The following HSPH1 variants were observed in gnomAD, a reference collection of about 807,000 sequenced individuals.
HSPH1 encodes the protein heat shock protein family H (Hsp110) member 1.
In HSPH1, 40 loss-of-function variants were observed where a neutral mutation model predicts 100.0. The observed-to-expected ratio is 0.40, with a 90% CI of 0.31 to 0.52. The LOEUF (loss-of-function observed/expected upper bound fraction) is 0.52, where lower values mean the gene tolerates loss of function less well. Ranked by LOEUF, HSPH1 falls within the 20% of genes least tolerant of loss-of-function variation. The probability of loss-of-function intolerance (pLI) is 0.54; values close to 1 mark genes in which losing one functional copy is unlikely to be tolerated. For missense variants in HSPH1, 876 were observed against 1,015.1 expected (o/e 0.86, Z 1.86); for synonymous variants, 403 against 344.0 (o/e 1.17, Z -1.90).
chr13:31,141,791 T>C (rs1956100202), intron 12 of HSPH1, among the ~76,000 whole-genome samples: 1 of 71,578 alleles, frequency 1.4e-5, no homozygotes, highest in Admixed American at 1.5e-4. Context: ...ATATACTCCA[T>C]ACACATACAT....
At chr13:31,156,102 A>G (rs1387982931) in intron 2 of HSPH1, among the ~76,000 whole-genome samples, 1 of 152,206 alleles carries the variant, frequency 6.6e-6, no homozygotes, top group Non-Finnish European at 1.5e-5. Context: ...TAAAAAAGTT[A>G]ATTTTTGGCC....
chr13:31,144,055 TA>T, intron 11 of HSPH1, 132 bp from the exon 12 acceptor site: 1 of 728,506 alleles, frequency 1.4e-6, no homozygotes, highest in South Asian at 4.1e-5. Flanking sequence ...AGGTACTGGA[TA>T]AAAACAAAAT....
chr13:31,137,327 G>A lies in HSPH1; in HGVS notation c.2568C>T (p.Asp856=). Residue 856 remains aspartate (D), a synonymous_variant, in exon 18 of 18, where the codon GAC becomes GAT. Coordinates refer to ENST00000320027, the MANE Select transcript of HSPH1 (RefSeq NM_006644.4). Reference sequence around the variant, plus strand: ...GCCAATTTAAGGTTATCTAGTCCAAGTCCATATTAACAGAATTTTTCTCAT... The same window carrying A: ...GCCAATTTAAGGTTATCTAGTCCAAATCCATATTAACAGAATTTTTCTCAT... ...YPNEKNSVNM[D]LD is the part of the protein sequence containing the mutation. 1.2e-6 allele frequency: 2 copies of A among 1,601,722 alleles called. No individual in the cohort carries two copies. Among genetic ancestry groups the A allele is most frequent in the Admixed American group, 3.4e-5 (2 of 59,578 alleles).
Position 31,152,809 on chromosome 13 carries a change from T to C in HSPH1, c.529+43A>G, listed in dbSNP as rs760308524. On this transcript the variant is annotated intron_variant, in intron 5 of 17. Coordinates refer to ENST00000320027, the MANE Select transcript of HSPH1 (RefSeq NM_006644.4). ...GTAATAGCACTGAGAACATCTTTAG[T>C]TCTGATAGTATATTCACTTCCACAC... 18 of 1,271,602 alleles carry C rather than the reference T, an allele frequency of 1.4e-5. No homozygotes were observed. In the Admixed American group the frequency reaches 3.0e-4, roughly 21 times the overall value. 78.8% of individuals were successfully genotyped at this position (1,271,602 alleles called of 1,614,324 possible).
At chr13:31,158,979 G>A (rs1272218670) in intron 1 of HSPH1, 116 bp from the exon 2 acceptor site, 12 of 671,966 alleles carry the variant, frequency 1.8e-5, no homozygotes, top group Non-Finnish European at 2.9e-5. Context: ...AACAAGCATA[G>A]CACAATTTTA....
intron 17 of HSPH1, among the ~76,000 whole-genome samples, 177 bp downstream of exon 17, chr13:31,138,230 T>G (rs1485916174): frequency 6.6e-6 from 1 of 152,120 alleles, no homozygotes; most frequent in Non-Finnish European, 1.5e-5. Context: ...AAGTGGAAAT[T>G]CAACAAACTT....
At position 31,161,753 on chromosome 13, in the gene HSPH1, G is replaced by A. The variant is rs1384600597; in HGVS notation, c.-171C>T. On this transcript the variant is annotated 5_prime_UTR_variant, in exon 1 of 18. Coordinates refer to ENST00000320027, the MANE Select transcript of HSPH1 (RefSeq NM_006644.4). ...CACAGACAGCCGCGGCCTGTCAGGA[G>A]CCTCCTACTCCCCCGGGGACAGCGG... 2 of 1,529,702 alleles carry A rather than the reference G, an allele frequency of 1.3e-6. No homozygotes were observed. Among genetic ancestry groups the A allele is most frequent in the Middle Eastern group, 1.7e-4 (1 of 5,738 alleles). The allele number at this position is 1,529,702 out of a possible 1,614,324, so 94.8% of individuals were successfully genotyped here. A position where few individuals can be genotyped will look rare whatever the true frequency, so the allele number is the denominator to read the frequency against.
At chr13:31,151,305 A>G in intron 6 of HSPH1, 114 bp from the exon 7 acceptor site, 2 of 892,404 alleles carry the variant, frequency 2.2e-6, no homozygotes, top group Non-Finnish European at 3.3e-6. Context: ...ACTATATTTA[A>G]ATTATAACAT....
rs1267133544 is a variant in HSPH1, at chr13:31,135,771, T to C, written c.*1547A>G. ...GTTACTAAACCTCATAGTTTGAAGATATTACTCCGTGATGTGTGGAGCACA... is the reference window on the plus strand; with the variant it reads ...GTTACTAAACCTCATAGTTTGAAGACATTACTCCGTGATGTGTGGAGCACA... On this transcript the variant is annotated 3_prime_UTR_variant, in exon 18 of 18. Coordinates refer to ENST00000320027, the MANE Select transcript of HSPH1 (RefSeq NM_006644.4). The C allele has an allele frequency of 1.3e-5, 2 of 152,242 alleles. No homozygotes were observed. The highest frequency in any genetic ancestry group is 2.9e-5 in the Non-Finnish European group (2 of 68,036). 9.4% of individuals were successfully genotyped at this position (152,242 alleles called of 1,614,324 possible).
intron 14 of HSPH1, among the ~76,000 whole-genome samples, chr13:31,139,434 T>C (rs1255309876): frequency 6.6e-6 from 1 of 152,038 alleles, no homozygotes; most frequent in Non-Finnish European, 1.5e-5. Flanking sequence ...TGACAATCAC[T>C]GAACACATGA....
chr13:31,154,824 A>C (rs1566013338), intron 3 of HSPH1, 69 bp from the exon 4 acceptor site: 1 of 1,337,440 alleles, frequency 7.5e-7, no homozygotes, highest in Non-Finnish European at 1.0e-6. Flanking sequence ...TTTAACTTCC[A>C]AAAATTAGCA....
At position 31,137,179 on chromosome 13, in the gene HSPH1, T is replaced by C. The variant is rs1955909285; in HGVS notation, c.*139A>G. On this transcript the variant is annotated 3_prime_UTR_variant, in exon 18 of 18. Coordinates refer to ENST00000320027, the MANE Select transcript of HSPH1 (RefSeq NM_006644.4). ...ATAAAGACTACAGACTTAAGCTTTT[T>C]TTCTTTTTCCATATAATACACAAAA... is the stretch of plus-strand genomic sequence containing the variant. The C allele has an allele frequency of 1.4e-6, 1 of 734,362 alleles. No individual in the cohort carries two copies. The highest frequency in any genetic ancestry group is 2.5e-5 in the East Asian group (1 of 39,434). The allele number at this position is 734,362 out of a possible 1,614,324, so 45.5% of individuals were successfully genotyped here.
chr13:31,147,027 C>G (rs1956287479), intron 10 of HSPH1, among the ~76,000 whole-genome samples: 1 of 152,058 alleles, frequency 6.6e-6, no homozygotes, highest in African/African-American at 2.4e-5. Flanking sequence ...CCAAAAGATC[C>G]ATCTATCTAA....
chr13:31,139,081 G>A lies in HSPH1; in HGVS notation c.2007C>T (p.Leu669=), dbSNP rs757702894. ...EQDHQNFLRL[L]TETEDWLYEE... is the part of the protein sequence containing the mutation. Reference sequence around the variant, plus strand: ...CATACAGCCAGTCTTCAGTTTCTGTGAGGAGTCTCAAAAAATTTTGATGAT... The same window carrying A: ...CATACAGCCAGTCTTCAGTTTCTGTAAGGAGTCTCAAAAAATTTTGATGAT... Residue 669 remains leucine (L), a synonymous_variant, in exon 15 of 18, where the codon CTC becomes CTT. Coordinates refer to ENST00000320027, the MANE Select transcript of HSPH1 (RefSeq NM_006644.4). 7.4e-6 allele frequency: 12 copies of A among 1,611,930 alleles called. No individual in the cohort carries two copies. The East Asian group carries it at 2.5e-4, about 33-fold the overall frequency.
At position 31,161,660 on chromosome 13, in the gene HSPH1, T is replaced by G; in HGVS notation, c.-78A>C. The G allele has an allele frequency of 6.3e-7, 1 of 1,584,750 alleles. No individual in the cohort carries two copies. The highest frequency in any genetic ancestry group is 1.7e-5 in the Admixed American group (1 of 57,268). ...CCCTGCCTGCTTCTCCTGCCGCCGCTTTCTGCCCTGGCCGCGTTCTGCTCC... is the reference window on the plus strand; with the variant it reads ...CCCTGCCTGCTTCTCCTGCCGCCGCGTTCTGCCCTGGCCGCGTTCTGCTCC... On this transcript the variant is annotated 5_prime_UTR_variant, in exon 1 of 18. Coordinates refer to ENST00000320027, the MANE Select transcript of HSPH1 (RefSeq NM_006644.4).
At chr13:31,138,333 T>A (rs746723113) in intron 17 of HSPH1, 74 bp downstream of exon 17, 12 of 1,350,480 alleles carry the variant, frequency 8.9e-6, no homozygotes, top group Non-Finnish European at 1.1e-5. Context: ...AAAATGGCTA[T>A]GTTGAAGGTT....
intron 10 of HSPH1, among the ~76,000 whole-genome samples, chr13:31,147,756 G>A (rs1035754738): frequency 6.6e-6 from 1 of 152,000 alleles, no homozygotes; most frequent in Non-Finnish European, 1.5e-5. Flanking sequence ...GAACTACCAA[G>A]TCATTCTATC....
At chr13:31,145,137 AC>A (rs1458660618) in intron 11 of HSPH1, among the ~76,000 whole-genome samples, 1 of 152,192 alleles carries the variant, frequency 6.6e-6, no homozygotes, top group Non-Finnish European at 1.5e-5. Context: ...AAAAATAAAA[AC>A]AAGTTCTAAA....
Position 31,161,720 on chromosome 13 carries a change from G to A in HSPH1, c.-138C>T. On this transcript the variant is annotated 5_prime_UTR_variant, in exon 1 of 18. Transcript: ENST00000320027. ...GGTCTGGCCGTTCCTCTGACACTCA[G>A]AAGGACACACAGACAGCCGCGGCCT... The A allele has an allele frequency of 1.3e-6, 2 of 1,535,880 alleles. No individual in the cohort carries two copies. Among genetic ancestry groups the A allele is most frequent in the East Asian group, 2.4e-5 (1 of 40,938 alleles).
Sources: gnomAD v4.1 joint callset for allele counts (sites outside exome capture counted in the v4.1 genomes callset) on GRCh38, gnomAD v4.1.1 for gene constraint, MANE v1.5 for transcripts, NCBI Gene and HGNC (gene_info 2026-07-23, HGNC 2026-07-21) for gene names.